Variants in UXS1 observed in about 807,000 individuals in gnomAD.
UXS1 encodes UDP-glucuronic acid decarboxylase 1.
In UXS1, 33 loss-of-function variants were observed where a neutral mutation model predicts 62.6. That is an observed-to-expected ratio of 0.53 (90% CI 0.40 to 0.70). The LOEUF is 0.70. UXS1 is among the 30% of genes least tolerant of loss of function. The probability of loss-of-function intolerance (pLI) is 0.00; values close to 1 mark genes in which losing one functional copy is unlikely to be tolerated. For missense variants in UXS1, 434 were observed against 556.3 expected (o/e 0.78, Z 2.21); for synonymous variants, 213 against 206.8 (o/e 1.03, Z -0.26).
chr2:106,106,458 A>G (rs182441067), intron 10 of UXS1, among the ~76,000 whole-genome samples: 301 of 152,126 alleles, frequency 2.0e-3, no homozygotes, highest in South Asian at 4.4e-3. Context: ...TGTTTTCTTA[A>G]TAAACATTTA....
chr2:106,169,063 T>C (rs1221221941), intron 1 of UXS1, among the ~76,000 whole-genome samples: 1 of 152,242 alleles, frequency 6.6e-6, no homozygotes, highest in Non-Finnish European at 1.5e-5. Context: ...TGTCCTGTTC[T>C]TGCCTTTTTC....
At chr2:106,170,104 T>C (rs1364930735) in intron 1 of UXS1, among the ~76,000 whole-genome samples, 1 of 152,046 alleles carries the variant, frequency 6.6e-6, no homozygotes. Context: ...ATGAATCCCT[T>C]CCTTCCCCAC....
rs755174060 is a variant in UXS1, at chr2:106,094,050, C to A, written c.1254G>T (p.Lys418Asn). ...YIPKPKPARIKKGRTRHS is the reference protein window; with the variant it reads ...YIPKPKPARINKGRTRHS ...TTCAGCTGTGGCGAGTCCGTCCTTT[C>A]TTTATTCTGGCAGGCTTTGGTTTGG... Residue 418 changes from lysine (K) to asparagine (N), a missense_variant, in exon 15 of 15, where the codon AAG becomes AAT. By Grantham distance (94) the Lys-to-Asn change is moderately conservative. Around this residue, in one of 3 missense-constraint regions of UXS1, gnomAD observed 209 missense variants for 233.3 expected, o/e 0.90. Transcript: ENST00000283148. 1.2e-6 allele frequency: 2 copies of A among 1,612,930 alleles called. No homozygotes were observed. Among genetic ancestry groups the A allele is most frequent in the Admixed American group, 3.4e-5 (2 of 59,666 alleles).
At chr2:106,101,295 A>G in intron 11 of UXS1, 177 bp from the exon 12 acceptor site, 2 of 614,446 alleles carry the variant, frequency 3.3e-6, no homozygotes, top group Non-Finnish European at 5.6e-6. Flanking sequence ...TACAATGCGA[A>G]AGTATTTATG....
At chr2:106,167,334 T>G (rs1024182157) in intron 1 of UXS1, among the ~76,000 whole-genome samples, 2 of 152,154 alleles carry the variant, frequency 1.3e-5, no homozygotes, top group Non-Finnish European at 2.9e-5. Context: ...TGCTTCCAGG[T>G]GCCGAGGAAG....
At chr2:106,166,182 A>G in intron 1 of UXS1, 99 bp from the exon 2 acceptor site, 4 of 1,232,536 alleles carry the variant, frequency 3.2e-6, no homozygotes, top group Non-Finnish European at 4.5e-6. Flanking sequence ...TTTAAATTTT[A>G]CAAAGAAAAT....
intron 5 of UXS1, among the ~76,000 whole-genome samples, chr2:106,152,825 T>C (rs1682142886): frequency 6.6e-6 from 1 of 151,936 alleles, no homozygotes. Context: ...CAGTCACGGT[T>C]GCCCCAACTT....
chr2:106,125,658 G>A lies in UXS1; in HGVS notation c.599C>T (p.Ala200Val). 6.3e-7 allele frequency: 1 copy of A among 1,579,084 alleles called. No individual in the cohort carries two copies. The highest frequency in any genetic ancestry group is 1.2e-5 in the South Asian group (1 of 85,514). The part of the protein sequence containing the change: ...NMLGLAKRVG[A>V]RLLLASTSEV... The stretch of plus-strand genomic sequence containing the variant: ...CGATGTGGAGGCCAGGAGCAGACGG[G>A]CACCGACTCGTTTTGCCAGCCCTAC... The change falls in exon 8 of 15, where the codon GCC becomes GTC. Residue 200 changes from alanine to valine, a missense_variant. By Grantham distance (64) the Ala-to-Val change is moderately conservative. Around this residue, in one of 3 missense-constraint regions of UXS1, gnomAD observed 134 missense variants for 251.9 expected, o/e 0.53. Transcript: ENST00000283148.
chr2:106,149,917 T>C (rs1249160182), intron 5 of UXS1, among the ~76,000 whole-genome samples: 1 of 152,086 alleles, frequency 6.6e-6, no homozygotes, highest in East Asian at 1.9e-4. Flanking sequence ...TGTAACATGG[T>C]TGTGATCAGA....
intron 9 of UXS1, among the ~76,000 whole-genome samples, chr2:106,118,008 G>A (rs1206406054): frequency 2.0e-5 from 3 of 152,232 alleles, no homozygotes; most frequent in Admixed American, 6.5e-5. Context: ...TCAACAATCA[G>A]CTGACCTTCC....
intron 1 of UXS1, among the ~76,000 whole-genome samples, chr2:106,186,005 C>T (rs532852245): frequency 3.3e-5 from 5 of 152,200 alleles, no homozygotes; most frequent in South Asian, 2.1e-4. Flanking sequence ...ACAGCAGCCA[C>T]GGGAAACTAA....
chr2:106,152,650 C>G (rs1682130237), intron 5 of UXS1, among the ~76,000 whole-genome samples: 5 of 151,976 alleles, frequency 3.3e-5, no homozygotes, highest in Admixed American at 3.3e-4. Flanking sequence ...TAAGTAAGAA[C>G]AGCAAGAGTC....
intron 14 of UXS1, 111 bp downstream of exon 14, chr2:106,096,607 C>A (rs1677132008): frequency 3.3e-6 from 3 of 896,526 alleles, no homozygotes; most frequent in Non-Finnish European, 4.9e-6. Context: ...GGATGCCGAG[C>A]CCACCTTGCT....
Position 106,101,038 on chromosome 2 carries a change from G to A in UXS1, c.984+20C>T. The A allele has an allele frequency of 1.2e-6, 2 of 1,613,892 alleles. No individual in the cohort carries two copies. Among genetic ancestry groups the A allele is most frequent in the South Asian group, 1.1e-5 (1 of 91,064 alleles). On this transcript the variant is annotated intron_variant, in intron 12 of 14. Coordinates refer to ENST00000283148, the MANE Select transcript of UXS1 (RefSeq NM_001253875.2). ...GAAAGTCTGAGCTGTCCTGCAGAGT[G>A]GAGGGAGAGGAGCACTCACCAGGTT...
intron 1 of UXS1, among the ~76,000 whole-genome samples, chr2:106,186,457 T>TATATATAC (rs375660148): frequency 3.4e-5 from 5 of 148,694 alleles, no homozygotes; most frequent in African/African-American, 1.2e-4. Flanking sequence ...TATATATATA[T>TATATATAC]ACACACACAC....
At chr2:106,106,693 C>T (rs1678100147) in intron 10 of UXS1, among the ~76,000 whole-genome samples, 1 of 152,182 alleles carries the variant, frequency 6.6e-6, no homozygotes, top group Non-Finnish European at 1.5e-5. Context: ...ACCTGATTCT[C>T]TGGCCTGGCT....
At chr2:106,191,089 A>G (rs1031072) in intron 1 of UXS1, among the ~76,000 whole-genome samples, 145,370 of 152,224 alleles carry the variant, frequency 0.95, 69,523 homozygotes, top group East Asian at 0.99. Context: ...CTCAAGTACA[A>G]TGCAAGTTAG....
chr2:106,145,498 A>T, intron 5 of UXS1, 128 bp from the exon 6 acceptor site: 1 of 1,178,986 alleles, frequency 8.5e-7, no homozygotes, highest in Non-Finnish European at 1.2e-6. Context: ...GCGGGGAAGG[A>T]AGACAGCAAA....
chr2:106,095,620 A>G (rs903833771), intron 14 of UXS1, among the ~76,000 whole-genome samples: 3 of 152,218 alleles, frequency 2.0e-5, no homozygotes, highest in East Asian at 1.9e-4. Context: ...AGTGTGTGTC[A>G]GGTCTGACAG....
Sources: allele counts gnomAD v4.1 joint callset (sites outside exome capture counted in the v4.1 genomes callset), GRCh38; gene constraint gnomAD v4.1.1; regional missense constraint gnomAD v4.1.1; transcripts MANE v1.5; gene names NCBI Gene and HGNC (gene_info 2026-07-23, HGNC 2026-07-21).